The following MXD1 variants were observed in gnomAD, a reference collection of about 807,000 sequenced individuals.
MXD1 encodes MAX-binding protein.
A neutral mutation model predicts 25.7 loss-of-function variants in MXD1; 9 were observed. That is an observed-to-expected ratio of 0.35 (90% confidence interval 0.21 to 0.61). MXD1 has a LOEUF of 0.61. Ranked by LOEUF, MXD1 falls within the 20% of genes least tolerant of loss-of-function variation. MXD1 has a pLI of 0.75. For missense variants in MXD1, 227 were observed against 292.4 expected (o/e 0.78, Z 1.63); for synonymous variants, 99 against 113.9 (o/e 0.87, Z 0.83).
chr2:69,922,821 G>C (rs910268244), intron 3 of MXD1, among the ~76,000 whole-genome samples: 1 of 151,218 alleles, frequency 6.6e-6, no homozygotes, highest in African/African-American at 2.4e-5. Context: ...CGGAGGTTGC[G>C]GTGAGCCGAG....
intron 2 of MXD1, among the ~76,000 whole-genome samples, chr2:69,916,619 T>A (rs1048242126): frequency 6.6e-6 from 1 of 152,172 alleles, no homozygotes; most frequent in Non-Finnish European, 1.5e-5. Flanking sequence ...TTCATAGTAA[T>A]GATTTTATAA....
chr2:69,917,259 C>T lies in MXD1; in HGVS notation c.173+1039C>T, dbSNP rs1040918592. Among the ~76,000 whole-genome samples, 5 of 152,208 alleles carry T rather than the reference C, an allele frequency of 3.3e-5. No homozygotes were observed. The South Asian group carries it at 1.0e-3, about 32-fold the overall frequency. On this transcript the variant is annotated intron_variant, in intron 2 of 5. Transcript: ENST00000264444. Reference sequence around the variant, plus strand: ...TACCTCTTTAGTATCGTTAGTGGAACCACAGGATGTGAGCAGCATTACTTG... The same window carrying T: ...TACCTCTTTAGTATCGTTAGTGGAATCACAGGATGTGAGCAGCATTACTTG...
Position 69,921,866 on chromosome 2 carries a change from G to A in MXD1, c.203+101G>A, listed in dbSNP as rs112076878. On this transcript the variant is annotated intron_variant, in intron 3 of 5. Coordinates refer to ENST00000264444, the MANE Select transcript of MXD1 (RefSeq NM_002357.4). ...CTCTTTTTGACTCTTCCCACTAGTA[G>A]CACCTGATTTCAGAATTCACCCAGC... is the stretch of plus-strand genomic sequence containing the variant. The A allele has an allele frequency of 8.9e-6, 10 of 1,129,032 alleles. No individual in the cohort carries two copies. The African/African-American group carries it at 1.1e-4, about 13-fold the overall frequency. 69.9% of individuals were successfully genotyped at this position (1,129,032 alleles called of 1,614,324 possible). A position where few individuals can be genotyped will look rare whatever the true frequency, so the allele number is the denominator to read the frequency against.
In MXD1 at chr2:69,938,298, G is replaced by A. The variant is rs1440025431; in HGVS notation, c.*14G>A. On this transcript the variant is annotated 3_prime_UTR_variant, in exon 6 of 6. Coordinates refer to ENST00000264444, the MANE Select transcript of MXD1 (RefSeq NM_002357.4). Reference sequence around the variant, plus strand: ...CTTGGTCTCTAAGAGAGTGGGCACTGCGGCTGTCTCCTTGAAGGTTCTCCC... The same window carrying A: ...CTTGGTCTCTAAGAGAGTGGGCACTACGGCTGTCTCCTTGAAGGTTCTCCC... 1.2e-6 allele frequency: 2 copies of A among 1,612,722 alleles called. No individual in the cohort carries two copies. Among genetic ancestry groups the A allele is most frequent in the Admixed American group, 1.7e-5 (1 of 59,940 alleles).
rs374586690 is a variant in MXD1, at chr2:69,935,311, T to C, written c.204-40T>C. 1.3e-5 allele frequency: 19 copies of C among 1,477,258 alleles called. No homozygotes were observed. The African/African-American group carries it at 2.6e-4, about 21-fold the overall frequency. 91.5% of individuals were successfully genotyped at this position (1,477,258 alleles called of 1,614,324 possible). On this transcript the variant is annotated intron_variant, in intron 3 of 5. Transcript: ENST00000264444. ...TCTGCCTGGGGTGCTTCTGGCCCAC[T>C]GTGAAACTCTCAAATGCTACTGTGG...
At position 69,938,104 on chromosome 2, in the gene MXD1, C is replaced by T. The variant is rs764130167; in HGVS notation, c.486C>T (p.Ile162=). ...CTCTTGTCCTCCCTGCAGAAGAAAT[C>T]GACGTTGACGTGGAGAGCACGGACT... ...SERSDSDREE[I]DVDVESTDYL... is the part of the protein sequence containing the mutation. Residue 162 remains isoleucine, a synonymous_variant, in exon 6 of 6, where the codon ATC becomes ATT. Transcript: ENST00000264444. 68 of 1,613,650 alleles carry T rather than the reference C, an allele frequency of 4.2e-5. No individual in the cohort carries two copies. Among genetic ancestry groups the T allele is most frequent in the Non-Finnish European group, 5.2e-5 (61 of 1,179,766 alleles).
At chr2:69,924,505 T>C (rs746812132) in intron 3 of MXD1, among the ~76,000 whole-genome samples, 8 of 152,226 alleles carry the variant, frequency 5.3e-5, no homozygotes, top group Admixed American at 1.3e-4. Context: ...TTAAAGTTGC[T>C]GGGCTCCACT....
chr2:69,925,469 G>T (rs1293341845), intron 3 of MXD1, among the ~76,000 whole-genome samples: 7 of 152,066 alleles, frequency 4.6e-5, no homozygotes, highest in Non-Finnish European at 8.8e-5. Flanking sequence ...AAAGCACAAA[G>T]AATATAAAAA....
At chr2:69,920,229 G>T (rs564267564) in intron 2 of MXD1, among the ~76,000 whole-genome samples, 8 of 151,572 alleles carry the variant, frequency 5.3e-5, no homozygotes, top group Non-Finnish European at 7.4e-5. Flanking sequence ...CTCATGATCC[G>T]CCTGCCTCGG....
chr2:69,926,575 T>TAGAAAAGTTTTCC (rs1323997840), intron 3 of MXD1, among the ~76,000 whole-genome samples: 2 of 152,234 alleles, frequency 1.3e-5, no homozygotes, highest in African/African-American at 4.8e-5. Flanking sequence ...CAAAGTTTTG[T>TAGAAAAGTTTTCC]AGCAAAGTTT....
At position 69,937,509 on chromosome 2, in the gene MXD1, T is replaced by C. The variant is rs528815604; in HGVS notation, c.478+115T>C. ...AGAAGAACTAAGACACTGGGTATGA[T>C]GTAGAGAAGTCGAACAGTGTGACCT... On this transcript the variant is annotated intron_variant, in intron 5 of 5. Coordinates refer to ENST00000264444, the MANE Select transcript of MXD1 (RefSeq NM_002357.4). The C allele has an allele frequency of 1.9e-5, 20 of 1,044,562 alleles. No homozygotes were observed. The South Asian group carries it at 3.2e-4, about 17-fold the overall frequency. The allele number at this position is 1,044,562 out of a possible 1,614,324, so 64.7% of individuals were successfully genotyped here.
chr2:69,922,454 GCTTT>G (rs1677085111), intron 3 of MXD1, among the ~76,000 whole-genome samples: 1 of 152,164 alleles, frequency 6.6e-6, no homozygotes, highest in African/African-American at 2.4e-5. Context: ...CACTTGCAAA[GCTTT>G]CTGTGTATTT....
intron 3 of MXD1, among the ~76,000 whole-genome samples, chr2:69,932,588 A>C (rs1260136612): frequency 6.6e-6 from 1 of 152,240 alleles, no homozygotes; most frequent in East Asian, 1.9e-4. Flanking sequence ...TGAATGAACA[A>C]GTATTAGTCT....
At chr2:69,928,933 A>G (rs1677221723) in intron 3 of MXD1, among the ~76,000 whole-genome samples, 1 of 152,138 alleles carries the variant, frequency 6.6e-6, no homozygotes. Context: ...TTGCTCTGTC[A>G]CCCAGGCTGG....
chr2:69,937,630 T>C (rs1014311553), intron 5 of MXD1, among the ~76,000 whole-genome samples: 2 of 152,170 alleles, frequency 1.3e-5, no homozygotes, highest in African/African-American at 4.8e-5. Context: ...TTTGTTTTGT[T>C]TTGAGACGGA....
chr2:69,921,228 T>C (rs973352374), intron 2 of MXD1, among the ~76,000 whole-genome samples: 1 of 152,190 alleles, frequency 6.6e-6, no homozygotes, highest in South Asian at 2.1e-4. Flanking sequence ...ATCTTGTACA[T>C]GATAGTTACT....
chr2:69,918,029 A>G (rs1676992794), intron 2 of MXD1, among the ~76,000 whole-genome samples: 1 of 152,320 alleles, frequency 6.6e-6, no homozygotes, highest in South Asian at 2.1e-4. Flanking sequence ...AAGAGCAGGC[A>G]GTTTTCTTTC....
chr2:69,937,885 A>G (rs1456776434), intron 5 of MXD1, among the ~76,000 whole-genome samples: 1 of 152,204 alleles, frequency 6.6e-6, no homozygotes, highest in East Asian at 1.9e-4. Flanking sequence ...AAGTGCTGGG[A>G]TTACAGGCGT....
At position 69,915,441 on chromosome 2, in the gene MXD1, C is replaced by G. The variant is rs1676943728; in HGVS notation, c.73+38C>G. On this transcript the variant is annotated intron_variant, in intron 1 of 5. Transcript: ENST00000264444. This position sits in a 1 kb window ranked among gnomAD's most constrained non-coding sequence, Gnocchi z 5.8. ...GGGGAGGGGTCCACTCGAAACGAGG[C>G]CGGGGGTCCTGTGGGGCCGGCCTCA... is the stretch of plus-strand genomic sequence containing the variant. 1.6e-6 allele frequency: 2 copies of G among 1,257,770 alleles called. No individual in the cohort carries two copies. Among genetic ancestry groups the G allele is most frequent in the South Asian group, 6.6e-5 (2 of 30,122 alleles). 77.9% of individuals were successfully genotyped at this position (1,257,770 alleles called of 1,614,324 possible). A position where few individuals can be genotyped will look rare whatever the true frequency, so the allele number is the denominator to read the frequency against.
Sources: allele counts gnomAD v4.1 joint callset (sites outside exome capture counted in the v4.1 genomes callset), GRCh38; gene constraint gnomAD v4.1.1; non-coding constraint Gnocchi (gnomAD v3.1); transcripts MANE v1.5; gene names NCBI Gene and HGNC (gene_info 2026-07-23, HGNC 2026-07-21).